Variants in CCAR2 observed in about 807,000 individuals in gnomAD.
CCAR2 encodes the protein cell cycle and apoptosis regulator 2.
Under a neutral mutation model 108.1 loss-of-function variants are expected in CCAR2, and 21 were observed. The observed-to-expected ratio is 0.19, with a 90% confidence interval of 0.14 to 0.28. The LOEUF (loss-of-function observed/expected upper bound fraction) is 0.28. Among genes scored for constraint, CCAR2 ranks in the 10% least tolerant of loss-of-function variants. The pLI, the probability that CCAR2 is intolerant of heterozygous loss-of-function variation, is 1.00. For synonymous variants in CCAR2, 577 were observed against 472.8 expected, an observed-to-expected ratio of 1.22 and a Z score of -2.86; for missense variants, 1,126 against 1,177.0, an observed-to-expected ratio of 0.96 and a Z score of 0.63.
rs144664542 is a variant in CCAR2 at position 22,618,867 on chromosome 8, G to A, written c.2373G>A (p.Lys791=). 5.0e-5 allele frequency: 80 copies of A among 1,613,906 alleles called. 1 individual carries two copies. The highest frequency in any genetic ancestry group is 1.5e-4 in the South Asian group (14 of 91,096). ...TGCCCCCTCCTGGGAAAAGCACGAAGCCAGGTGCTGCCCCCACAGAACACA... is the reference window on the plus strand; with the variant it reads ...TGCCCCCTCCTGGGAAAAGCACGAAACCAGGTGCTGCCCCCACAGAACACA... ...DLLPPPGKST[K]PGAAPTEHKA... is the part of the protein sequence containing the mutation. The change falls in exon 19 of 21, where the codon AAG becomes AAA. Residue 791 remains lysine, a synonymous_variant. Transcript: ENST00000308511.
chr8:22,614,358 G>A, intron 9 of CCAR2, 32 bp from the exon 10 acceptor site: 2 of 1,613,910 alleles, frequency 1.2e-6, no homozygotes. Context: ...TCTGGAGGCT[G>A]AAGGCAGCTC....
chr8:22,606,980 G>T lies in CCAR2; in HGVS notation c.313G>T (p.Ala105Ser). The T allele has an allele frequency of 6.2e-7, 1 of 1,614,168 alleles. No individual in the cohort carries two copies. The highest frequency in any genetic ancestry group is 8.5e-7 in the Non-Finnish European group (1 of 1,180,028). ...GAAGGCTGCATACAACCCAGGCCAG[G>T]CAGTGCCCTGGAATGCTGTCAAGGT... ...LVKAAYNPGQ[A>S]VPWNAVKVQT... The change falls in exon 5 of 21, where the codon GCA becomes TCA. Residue 105 changes from alanine to serine, a missense_variant. Coordinates refer to ENST00000308511, the MANE Select transcript of CCAR2 (RefSeq NM_001393997.1).
At position 22,615,919 on chromosome 8, in the gene CCAR2, G is replaced by C. The variant is rs747038149; in HGVS notation, c.1608+7G>C. 2 of 1,614,010 alleles carry C rather than the reference G, an allele frequency of 1.2e-6. No homozygotes were observed. The highest frequency in any genetic ancestry group is 3.3e-5 in the Admixed American group (2 of 60,014). On this transcript the variant is annotated splice_region_variant and intron_variant, in intron 13 of 20. Coordinates refer to ENST00000308511, the MANE Select transcript of CCAR2 (RefSeq NM_001393997.1). ...GGAAAGGATCTCTTTTGAGGCAGGTGTCAAGAGTCTTGGGGAGGCTGTGGG... is the reference window on the plus strand; with the variant it reads ...GGAAAGGATCTCTTTTGAGGCAGGTCTCAAGAGTCTTGGGGAGGCTGTGGG...
intron 7 of CCAR2, among the ~76,000 whole-genome samples, chr8:22,609,488 G>C (rs192805769): frequency 1.4e-4 from 21 of 152,238 alleles, no homozygotes; most frequent in African/African-American, 3.6e-4. Flanking sequence ...CTTTGGGATT[G>C]TTTGCCATGG....
intron 7 of CCAR2, among the ~76,000 whole-genome samples, chr8:22,609,336 G>C (rs145218016): frequency 1.6e-3 from 240 of 152,322 alleles, no homozygotes; most frequent in African/African-American, 5.5e-3. Context: ...GTGGGGGTCA[G>C]AGAAAGGGTT....
intron 7 of CCAR2, among the ~76,000 whole-genome samples, chr8:22,608,370 C>T (rs1160984593): frequency 6.6e-6 from 1 of 152,216 alleles, no homozygotes; most frequent in African/African-American, 2.4e-5. Context: ...TCTTCTGTTT[C>T]TAGTCCCTAA....
At position 22,615,912 on chromosome 8, in the gene CCAR2, G is replaced by A. The variant is rs186740201; in HGVS notation, c.1608G>A (p.Glu536=). 1 of 1,614,050 alleles carries A rather than the reference G, an allele frequency of 6.2e-7. No homozygotes were observed. The highest frequency in any genetic ancestry group is 1.3e-5 in the African/African-American group (1 of 74,984). The change falls in exon 13 of 21, where the codon GAG becomes GAA. Residue 536 remains glutamate, a splice_region_variant and synonymous_variant. Coordinates refer to ENST00000308511, the MANE Select transcript of CCAR2 (RefSeq NM_001393997.1). ...DRRPKERISF[E]VMVLAELFLE... is the part of the protein sequence containing the mutation. ...GGCCAAAGGAAAGGATCTCTTTTGA[G>A]GCAGGTGTCAAGAGTCTTGGGGAGG...
At chr8:22,619,541 TGCAGTGGGAGCTTCCCAGCAGGAG>T (rs1801672828) in intron 20 of CCAR2, 73 bp from the exon 21 acceptor site, 10 of 1,448,644 alleles carry the variant, frequency 6.9e-6, no homozygotes, top group Non-Finnish European at 9.5e-6. Context: ...GTCAGCAGCG[TGCAGTGGGAGCTTCCCAGCAGGAG>T]GCAGTCCGCA....
chr8:22,607,429 A>G, intron 6 of CCAR2, 104 bp downstream of exon 6: 2 of 1,313,858 alleles, frequency 1.5e-6, no homozygotes, highest in Non-Finnish European at 2.1e-6. Flanking sequence ...ACTTCTATGT[A>G]CTGGAAGAAA....
intron 14 of CCAR2, 80 bp from the exon 15 acceptor site, chr8:22,617,340 C>T: frequency 6.7e-7 from 1 of 1,483,076 alleles, no homozygotes; most frequent in African/African-American, 1.4e-5. Context: ...ATAGTTGATA[C>T]TCAGGTGTCA....
intron 7 of CCAR2, among the ~76,000 whole-genome samples, chr8:22,611,115 C>G (rs1157460469): frequency 6.6e-6 from 1 of 151,768 alleles, no homozygotes; most frequent in Non-Finnish European, 1.5e-5. Flanking sequence ...AATCCTAGCA[C>G]TTTGGGAGGC....
rs774584079 is a variant in CCAR2, at chr8:22,614,940, C to T, written c.1144C>T (p.Arg382Cys). The T allele has an allele frequency of 8.7e-6, 14 of 1,611,904 alleles. No individual in the cohort carries two copies. Among genetic ancestry groups the T allele is most frequent in the Admixed American group, 5.0e-5 (3 of 59,700 alleles). ...DPQADPQVLV[R>C]TAIRCAQAQT... ...CCAGGCTGACCCGCAGGTGCTGGTG[C>T]GTACCGCCATCCGCTGTGCGCAGGC... is the stretch of plus-strand genomic sequence containing the variant. Residue 382 changes from arginine to cysteine, a missense_variant, in exon 11 of 21, where the codon CGT (arginine) becomes TGT (cysteine). Arg to Cys is a radical substitution (Grantham distance 180, BLOSUM62 -3). Around this residue, in one of 4 missense-constraint regions of CCAR2, gnomAD observed 1,013 missense variants for 993.9 expected, o/e 1.02. Transcript: ENST00000308511.
At chr8:22,605,543 G>A (rs1801036208) in intron 1 of CCAR2, 193 bp from the exon 2 acceptor site, 2 of 574,944 alleles carry the variant, frequency 3.5e-6, no homozygotes, top group Admixed American at 6.1e-5. Context: ...GTTATTGTCA[G>A]GGCAAACTGG....
At chr8:22,607,427 G>T in intron 6 of CCAR2, 102 bp downstream of exon 6, 5 of 1,245,036 alleles carry the variant, frequency 4.0e-6, no homozygotes, top group Non-Finnish European at 4.4e-6. Flanking sequence ...GTACTTCTAT[G>T]TACTGGAAGA....
chr8:22,615,153 G>A (rs1801450158), intron 11 of CCAR2, 152 bp downstream of exon 11: 1 of 1,132,476 alleles, frequency 8.8e-7, no homozygotes, highest in Non-Finnish European at 1.2e-6. Flanking sequence ...AGGGTGGGGT[G>A]TATGCCAAAA....
In CCAR2 at chr8:22,614,469, G is replaced by C; in HGVS notation, c.1007G>C (p.Arg336Thr). The change falls in exon 10 of 21, where the codon AGG (arginine) becomes ACG (threonine). Residue 336 changes from arginine to threonine, a missense_variant. Physicochemically the swap from Arg to Thr is moderately conservative, Grantham distance 71 (BLOSUM62 -1). Transcript: ENST00000308511. The stretch of plus-strand genomic sequence containing the variant: ...TTTGTGGATGACATGGCTGAGCCAA[G>C]GGAGACGCCAGAGCATCCTCTGAAG... ...MLFVDDMAEP[R>T]ETPEHPLKQI... 1 of 1,614,178 alleles carries C rather than the reference G, an allele frequency of 6.2e-7. No homozygotes were observed. The highest frequency in any genetic ancestry group is 8.5e-7 in the Non-Finnish European group (1 of 1,180,030).
chr8:22,606,875 C>T (rs1385576915), intron 4 of CCAR2, 35 bp from the exon 5 acceptor site: 3 of 1,607,716 alleles, frequency 1.9e-6, no homozygotes, highest in Non-Finnish European at 2.6e-6. Context: ...CAGGGTCCCT[C>T]TTCTGATGGG....
chr8:22,619,378 G>A, intron 20 of CCAR2, 23 bp downstream of exon 20: 1 of 1,550,018 alleles, frequency 6.5e-7, no homozygotes, highest in East Asian at 2.4e-5. Context: ...TGGACCAGGA[G>A]GCAGCACAGC....
intron 14 of CCAR2, 131 bp from the exon 15 acceptor site, chr8:22,617,289 T>C (rs2117461291): frequency 9.8e-7 from 1 of 1,021,706 alleles, no homozygotes; most frequent in Non-Finnish European, 1.4e-6. Flanking sequence ...ATACATGAAA[T>C]GAGACGGTAT....
Sources: gnomAD v4.1 joint callset for allele counts (sites outside exome capture counted in the v4.1 genomes callset) on GRCh38, gnomAD v4.1.1 for gene constraint, gnomAD v4.1.1 regional missense constraint, MANE v1.5 for transcripts, NCBI Gene and HGNC (gene_info 2026-07-23, HGNC 2026-07-21) for gene names.